Variants in PRKAR1A observed in about 807,000 individuals in gnomAD.
The protein encoded by PRKAR1A is protein kinase cAMP-dependent type I regulatory subunit alpha.
Under a neutral mutation model 52.0 loss-of-function variants are expected in PRKAR1A, and 3 were observed. That is an observed-to-expected ratio of 0.06 (90% CI 0.03 to 0.15). The LOEUF (loss-of-function observed/expected upper bound fraction) is 0.15, where lower values mean the gene tolerates loss of function less well. Ranked by LOEUF, PRKAR1A falls within the 10% of genes least tolerant of loss-of-function variation. The pLI is 1.00. For synonymous variants in PRKAR1A, 188 were observed against 168.4 expected (o/e 1.12, Z -0.90); for missense variants, 240 against 477.4 (o/e 0.50, Z 4.63).
the PRKAR1A span, chr17:68,420,420 G>T: frequency 6.2e-7 from 1 of 1,614,152 alleles, no homozygotes; most frequent in Non-Finnish European, 8.5e-7. Context: ...GTAACTCCCT[G>T]CTGTAATCCC....
At chr17:68,438,514 G>C in the PRKAR1A span, among the ~76,000 whole-genome samples, 1 of 152,156 alleles carries the variant, frequency 6.6e-6, no homozygotes, top group Non-Finnish European at 1.5e-5. Context: ...GAAGACTGTG[G>C]AAATCTTACA....
Position 68,532,340 on chromosome 17 carries a change from C to T in PRKAR1A, c.*1891C>T, listed in dbSNP as rs2085999589. 1 of 1,054,560 alleles carries T rather than the reference C, an allele frequency of 9.5e-7. No homozygotes were observed. Among genetic ancestry groups the T allele is most frequent in the Admixed American group, 5.4e-5 (1 of 18,690 alleles). 65.3% of individuals were successfully genotyped at this position (1,054,560 alleles called of 1,614,324 possible). A position where few individuals can be genotyped will look rare whatever the true frequency, so the allele number is the denominator to read the frequency against. ...TTTCATGTATGTATATAATCATGCT[C>T]ATGTATATTTAGTTACGTATAATGC... On this transcript the variant is annotated 3_prime_UTR_variant, in exon 11 of 11. Transcript: ENST00000589228.
At chr17:68,509,338 A>T (rs900561707), upstream of PRKAR1A, among the ~76,000 whole-genome samples, 3 of 151,966 alleles carry the variant, frequency 2.0e-5, no homozygotes, top group African/African-American at 4.8e-5. Context: ...AATTTTTAAA[A>T]TTTTTTTGTA....
At chr17:68,486,661 T>C in the PRKAR1A span, among the ~76,000 whole-genome samples, 1 of 139,720 alleles carries the variant, frequency 7.2e-6, no homozygotes, top group Non-Finnish European at 1.6e-5. Flanking sequence ...TCCCTCTTCC[T>C]ATTATAAAAA....
intron 1 of PRKAR1A, 136 bp from the exon 2 acceptor site, chr17:68,515,258 T>C: frequency 1.1e-6 from 1 of 882,536 alleles, no homozygotes; most frequent in Admixed American, 2.1e-5. Flanking sequence ...TAGTCCCCAC[T>C]TCCCTGTTTA....
the PRKAR1A span, among the ~76,000 whole-genome samples, chr17:68,459,269 G>T: frequency 6.6e-6 from 1 of 152,188 alleles, no homozygotes; most frequent in Non-Finnish European, 1.5e-5. Context: ...GTCAAATGCT[G>T]CAGTCATTTC....
At chr17:68,458,587 T>G in the PRKAR1A span, among the ~76,000 whole-genome samples, 6 of 152,256 alleles carry the variant, frequency 3.9e-5, no homozygotes, top group Admixed American at 3.3e-4. Context: ...GCAGTGTAGT[T>G]TATGAAAGGG....
At chr17:68,486,754 G>T in the PRKAR1A span, among the ~76,000 whole-genome samples, 1 of 151,664 alleles carries the variant, frequency 6.6e-6, no homozygotes, top group African/African-American at 2.4e-5. Context: ...TGAAAATCTG[G>T]TTCCATTGCT....
At chr17:68,486,020 T>A in the PRKAR1A span, among the ~76,000 whole-genome samples, 1 of 152,164 alleles carries the variant, frequency 6.6e-6, no homozygotes, top group East Asian at 1.9e-4. Context: ...ATTACAGGCG[T>A]GAGCCATCGT....
At chr17:68,489,004 TAA>T in the PRKAR1A span, among the ~76,000 whole-genome samples, 2 of 150,036 alleles carry the variant, frequency 1.3e-5, no homozygotes, top group Non-Finnish European at 3.0e-5. Flanking sequence ...TTTTATTTTT[TAA>T]AAATTTGAAA....
At chr17:68,535,511 G>C (rs1288872782), downstream of PRKAR1A, 7 of 453,918 alleles carry the variant, frequency 1.5e-5, no homozygotes, top group Non-Finnish European at 3.1e-5. Flanking sequence ...TCCCATTTCT[G>C]TGTGTGATCT....
upstream of PRKAR1A, among the ~76,000 whole-genome samples, chr17:68,510,299 G>A (rs1481429911): frequency 1.3e-5 from 2 of 151,940 alleles, no homozygotes; most frequent in Non-Finnish European, 2.9e-5. Context: ...CATGTCTCAT[G>A]TTTTTTTCTG....
At chr17:68,491,914 T>C in the PRKAR1A span, among the ~76,000 whole-genome samples, 1 of 152,092 alleles carries the variant, frequency 6.6e-6, no homozygotes, top group Non-Finnish European at 1.5e-5. Flanking sequence ...ACAAAAAGCA[T>C]ATGGTAAGTC....
chr17:68,534,293 A>G (rs2143418774), downstream of PRKAR1A, among the ~76,000 whole-genome samples: 1 of 152,328 alleles, frequency 6.6e-6, no homozygotes, highest in Non-Finnish European at 1.5e-5. Flanking sequence ...GGTTGCCACT[A>G]GATGGTGGGC....
At chr17:68,476,992 C>A in the PRKAR1A span, among the ~76,000 whole-genome samples, 2 of 152,054 alleles carry the variant, frequency 1.3e-5, no homozygotes, top group Admixed American at 1.3e-4. Flanking sequence ...GTTTTGTTCT[C>A]CCAAATTCTG....
chr17:68,541,987 C>G (rs1460412688), intron 11 of PRKAR1A: 2 of 1,613,176 alleles, frequency 1.2e-6, no homozygotes, highest in Non-Finnish European at 8.5e-7. Context: ...CAACTCACTC[C>G]TCTTTTCCTG....
At chr17:68,495,980 TCTCCTCTCCTCTCCTCTC>T in the PRKAR1A span, among the ~76,000 whole-genome samples, 1 of 5,604 alleles carries the variant, frequency 1.8e-4, no homozygotes, top group Non-Finnish European at 2.9e-4. Flanking sequence ...TCCTCTCTCC[TCTCCTCTCCTCTCCTCTC>T]CTCCCCTCCC....
At chr17:68,488,660 G>A in the PRKAR1A span, among the ~76,000 whole-genome samples, 2 of 150,658 alleles carry the variant, frequency 1.3e-5, no homozygotes, top group East Asian at 2.0e-4. Context: ...GAACTGGGAG[G>A]CAGAGGTTGC....
At chr17:68,484,640 A>G in the PRKAR1A span, among the ~76,000 whole-genome samples, 1 of 152,196 alleles carries the variant, frequency 6.6e-6, no homozygotes, top group African/African-American at 2.4e-5. Flanking sequence ...GAAAGCATTC[A>G]GTCTTTCATC....
Sources: gnomAD v4.1 joint callset for allele counts (sites outside exome capture counted in the v4.1 genomes callset) on GRCh38, gnomAD v4.1.1 for gene constraint, MANE v1.5 for transcripts, NCBI Gene and HGNC (gene_info 2026-07-23, HGNC 2026-07-21) for gene names.